TACR3: variants seen among roughly 807,000 people sequenced by gnomAD.
TACR3 encodes the protein tachykinin receptor 3.
In TACR3, 34 loss-of-function variants were observed where a neutral mutation model predicts 35.0. That is an observed-to-expected ratio of 0.97 (90% confidence interval 0.74 to 1.30). The LOEUF (loss-of-function observed/expected upper bound fraction) is 1.30. TACR3 is among the 50% of genes most tolerant of loss of function. The pLI is 0.00. For missense variants in TACR3, 558 were observed against 591.7 expected (o/e 0.94, Z 0.59); for synonymous variants, 233 against 221.1 (o/e 1.05, Z -0.48).
chr4:103,711,145 G>A (rs960990895), intron 1 of TACR3, among the ~76,000 whole-genome samples: 8 of 152,096 alleles, frequency 5.3e-5, no homozygotes, highest in Admixed American at 2.6e-4. Flanking sequence ...CATTTTATGA[G>A]GCCAGCATCA....
At chr4:103,627,258 G>A (rs1356087587) in intron 3 of TACR3, among the ~76,000 whole-genome samples, 1 of 135,654 alleles carries the variant, frequency 7.4e-6, no homozygotes, top group African/African-American at 2.8e-5. Context: ...GTTCATACCT[G>A]TAATCCCAGC....
chr4:103,680,433 T>C (rs535773325), intron 1 of TACR3, among the ~76,000 whole-genome samples: 1 of 150,662 alleles, frequency 6.6e-6, no homozygotes, highest in Non-Finnish European at 1.5e-5. Context: ...AAATTTGCTC[T>C]GGTAACAATC....
rs565458735 is a variant in TACR3, at chr4:103,619,969, C to T, written c.889-28286G>A. On this transcript the variant is annotated intron_variant, in intron 3 of 4. Transcript: ENST00000304883. ...ACTATCAACAGAGCAAACAGACAAC[C>T]TACAGAATGGAGGATATTCACAAAC... 2.6e-5 allele frequency among the ~76,000 whole-genome samples: 4 copies of T among 152,066 alleles called. No homozygotes were observed. In the South Asian group the frequency reaches 8.3e-4, roughly 32 times the overall value.
At chr4:103,638,317 C>A (rs1311579416) in intron 3 of TACR3, among the ~76,000 whole-genome samples, 1 of 151,490 alleles carries the variant, frequency 6.6e-6, no homozygotes, top group African/African-American at 2.4e-5. Context: ...TTTGACAAAC[C>A]TGACAAAAAC....
intron 1 of TACR3, among the ~76,000 whole-genome samples, chr4:103,717,442 G>C (rs948646877): frequency 2.6e-5 from 4 of 151,990 alleles, no homozygotes; most frequent in African/African-American, 7.2e-5. Flanking sequence ...ACTGTAATAA[G>C]ATAGCACTAA....
intron 1 of TACR3, among the ~76,000 whole-genome samples, chr4:103,695,802 T>C (rs1722509055): frequency 6.6e-6 from 1 of 152,044 alleles, no homozygotes; most frequent in Non-Finnish European, 1.5e-5. Context: ...TTGTTTATTA[T>C]GTTAAGAAAT....
chr4:103,639,072 C>T (rs1456123464), intron 3 of TACR3, among the ~76,000 whole-genome samples: 3 of 152,070 alleles, frequency 2.0e-5, no homozygotes, highest in Non-Finnish European at 4.4e-5. Context: ...CCATTTGACC[C>T]AGCCATCCCA....
chr4:103,702,483 G>T (rs1423077032), intron 1 of TACR3, among the ~76,000 whole-genome samples: 1 of 152,186 alleles, frequency 6.6e-6, no homozygotes, highest in Non-Finnish European at 1.5e-5. Context: ...CATTGTGGAA[G>T]TCAGTGTGGT....
rs557131601 is a variant in TACR3 at position 103,682,952 on chromosome 4, T to C, written c.549-24549A>G. Among the ~76,000 whole-genome samples, 2 of 152,256 alleles carry C rather than the reference T, an allele frequency of 1.3e-5. 1 individual carries two copies. The highest frequency in any genetic ancestry group is 4.1e-4 in the South Asian group (2 of 4,822). ...TGAGATGGAACTTTAGATAACATAA[T>C]TCAATCACCGAAGTGACATCTCATC... On this transcript the variant is annotated intron_variant, in intron 1 of 4. Coordinates refer to ENST00000304883, the MANE Select transcript of TACR3 (RefSeq NM_001059.3).
rs550019909 is a variant in TACR3 at position 103,653,371 on chromosome 4, AG to A, written c.888+2822del. Among the ~76,000 whole-genome samples the A allele has an allele frequency of 4.1e-3, 621 of 152,248 alleles. 5 individuals carry two copies. Among genetic ancestry groups the A allele is most frequent in the Non-Finnish European group, 6.8e-3 (460 of 68,010 alleles). On this transcript the variant is annotated intron_variant, in intron 3 of 4. Transcript: ENST00000304883. ...CTGGGACTCTGAATTCAAAAACAAAAGAAACACTCAGATTAAATTTTTATTT... is the reference window on the plus strand; with the variant it reads ...CTGGGACTCTGAATTCAAAAACAAAAAAACACTCAGATTAAATTTTTATTT...
intron 3 of TACR3, among the ~76,000 whole-genome samples, chr4:103,633,222 G>A (rs576727609): frequency 1.3e-5 from 2 of 151,956 alleles, no homozygotes; most frequent in South Asian, 4.1e-4. Flanking sequence ...TACTAAATGA[G>A]ATAATGTATG....
Position 103,591,703 on chromosome 4 carries a change from T to C in TACR3, c.889-20A>G, listed in dbSNP as rs1207283199. On this transcript the variant is annotated intron_variant, in intron 3 of 4. Coordinates refer to ENST00000304883, the MANE Select transcript of TACR3 (RefSeq NM_001059.3). ...GACAACCTATAAAGAAAAAAAGTCA[T>C]TTTTGACAAATATAATACTCATAAT... is the stretch of plus-strand genomic sequence containing the variant. The C allele has an allele frequency of 1.3e-5, 21 of 1,595,040 alleles. No homozygotes were observed. The highest frequency in any genetic ancestry group is 1.7e-5 in the Admixed American group (1 of 58,156).
At chr4:103,715,816 AAT>A (rs1453315830) in intron 1 of TACR3, among the ~76,000 whole-genome samples, 4 of 152,176 alleles carry the variant, frequency 2.6e-5, no homozygotes, top group Non-Finnish European at 5.9e-5. Context: ...TGGAAATCAA[AAT>A]ATTTGTATTG....
At chr4:103,670,898 T>C (rs978023926) in intron 1 of TACR3, among the ~76,000 whole-genome samples, 7 of 152,050 alleles carry the variant, frequency 4.6e-5, no homozygotes, top group Non-Finnish European at 7.4e-5. Context: ...TTCCAGATCT[T>C]ACAGAAAAGG....
At position 103,636,637 on chromosome 4, in the gene TACR3, A is replaced by G. The variant is rs56166603; in HGVS notation, c.888+19557T>C. Among the ~76,000 whole-genome samples, 563 of 152,254 alleles carry G rather than the reference A, an allele frequency of 3.7e-3. 5 individuals are homozygous for G. The highest frequency in any genetic ancestry group is 0.013 in the African/African-American group (543 of 41,548). ...ACACAAAAAACCCTTCAAAAGATTA[A>G]TGAATCCAGGAGCTGGTTTTTTGAA... On this transcript the variant is annotated intron_variant, in intron 3 of 4. Transcript: ENST00000304883.
intron 3 of TACR3, among the ~76,000 whole-genome samples, chr4:103,629,140 C>A (rs1578233465): frequency 6.6e-6 from 1 of 152,140 alleles, no homozygotes; most frequent in Non-Finnish European, 1.5e-5. Flanking sequence ...GAATGTATCT[C>A]AAAATAATCA....
chr4:103,700,734 G>A (rs1722630761), intron 1 of TACR3, among the ~76,000 whole-genome samples: 1 of 152,134 alleles, frequency 6.6e-6, no homozygotes, highest in African/African-American at 2.4e-5. Flanking sequence ...TGGGATGCAA[G>A]GCTGGTTCAA....
At chr4:103,718,342 A>G (rs1032537254) in intron 1 of TACR3, among the ~76,000 whole-genome samples, 2 of 152,254 alleles carry the variant, frequency 1.3e-5, no homozygotes, top group African/African-American at 4.8e-5. Flanking sequence ...AATTAAAGTG[A>G]AGCCAGCCTT....
chr4:103,636,255 A>AACAC (rs1238210949), intron 3 of TACR3, among the ~76,000 whole-genome samples: 1 of 152,076 alleles, frequency 6.6e-6, no homozygotes, highest in East Asian at 1.9e-4. Flanking sequence ...TGAACTAAAA[A>AACAC]ACACAAAATA....
Sources: gnomAD v4.1 joint callset for allele counts (sites outside exome capture counted in the v4.1 genomes callset) on GRCh38, gnomAD v4.1.1 for gene constraint, MANE v1.5 for transcripts, NCBI Gene and HGNC (gene_info 2026-07-23, HGNC 2026-07-21) for gene names.